Variants in CPAMD8 observed in about 807,000 individuals in gnomAD.
CPAMD8 encodes the protein C3 and PZP like alpha-2-macroglobulin domain containing 8, also known as C3 and PZP-like alpha-2-macroglobulin domain-containing protein 8.
Under a neutral mutation model 224.7 loss-of-function variants are expected in CPAMD8, and 146 were observed. The observed-to-expected ratio is 0.65, with a 90% CI of 0.57 to 0.75. The LOEUF (loss-of-function observed/expected upper bound fraction) is 0.75, where lower values mean the gene tolerates loss of function less well. Among genes scored for constraint, CPAMD8 ranks in the 30% least tolerant of loss-of-function variants. CPAMD8 has a pLI of 0.00. For synonymous variants in CPAMD8, 966 were observed against 1,044.6 expected (o/e 0.92, Z 1.45); for missense variants, 2,301 against 2,537.5 (o/e 0.91, Z 2.00).
At chr19:16,964,739 AAG>A (rs2054770660) in intron 18 of CPAMD8, among the ~76,000 whole-genome samples, 1 of 152,208 alleles carries the variant, frequency 6.6e-6, no homozygotes, top group Non-Finnish European at 1.5e-5. Flanking sequence ...CAACAAAAAA[AAG>A]AGAATTTTAG....
intron 30 of CPAMD8, among the ~76,000 whole-genome samples, chr19:16,906,346 C>CT (rs1285679900): frequency 1.2e-4 from 3 of 25,274 alleles, no homozygotes; most frequent in East Asian, 1.4e-3. Context: ...CCCTTTCTTT[C>CT]TTTCTTTCTT....
At chr19:17,021,690 A>T (rs900789263) in intron 2 of CPAMD8, among the ~76,000 whole-genome samples, 1 of 152,090 alleles carries the variant, frequency 6.6e-6, no homozygotes, top group Non-Finnish European at 1.5e-5. Flanking sequence ...AACCCAACAA[A>T]AGGTCAGAGG....
At chr19:16,946,683 T>C (rs1423342146) in intron 21 of CPAMD8, among the ~76,000 whole-genome samples, 1 of 147,116 alleles carries the variant, frequency 6.8e-6, no homozygotes, top group Non-Finnish European at 1.5e-5. Flanking sequence ...TATGCATGTC[T>C]ACACGTGGGT....
Position 16,901,191 on chromosome 19 carries a change from C to T in CPAMD8, c.4773+19G>A. The stretch of plus-strand genomic sequence containing the variant: ...GTTCAGAGATCCCTGCCCACCGCTG[C>T]TCACCGGCGCTGCCTCACCTGCTCC... On this transcript the variant is annotated intron_variant, in intron 36 of 41. Transcript: ENST00000443236. 1 of 1,582,016 alleles carries T rather than the reference C, an allele frequency of 6.3e-7. No individual in the cohort carries two copies. The highest frequency in any genetic ancestry group is 8.6e-7 in the Non-Finnish European group (1 of 1,161,830).
chr19:16,957,481 T>G (rs2054509805), intron 19 of CPAMD8: 1 of 184,796 alleles, frequency 5.4e-6, no homozygotes, highest in Non-Finnish European at 1.1e-5. Flanking sequence ...AGGCATCCTG[T>G]TTTTTGAGCA....
chr19:17,005,789 T>C (rs2056474708), intron 7 of CPAMD8, among the ~76,000 whole-genome samples: 1 of 151,976 alleles, frequency 6.6e-6, no homozygotes, highest in African/African-American at 2.4e-5. Flanking sequence ...CTAAAATGGC[T>C]TTTTCCCCCT....
At chr19:16,945,463 C>G in intron 22 of CPAMD8, 86 bp downstream of exon 22, 1 of 1,544,382 alleles carries the variant, frequency 6.5e-7, no homozygotes, top group Non-Finnish European at 8.8e-7. Context: ...GGCTCAGCCT[C>G]AGACCACACA....
chr19:16,939,187 T>A (rs188993061), intron 22 of CPAMD8, among the ~76,000 whole-genome samples: 33 of 84,634 alleles, frequency 3.9e-4, no homozygotes, highest in Non-Finnish European at 7.6e-4. Context: ...ATTTATTTAT[T>A]TATCTATCTA....
At chr19:16,967,940 T>TATATAC (rs2054916142) in intron 18 of CPAMD8, among the ~76,000 whole-genome samples, 4 of 148,992 alleles carry the variant, frequency 2.7e-5, no homozygotes, top group South Asian at 2.1e-4. Flanking sequence ...TGTATATATA[T>TATATAC]ACATGTTGCT....
intron 19 of CPAMD8, among the ~76,000 whole-genome samples, chr19:16,957,136 G>A (rs758988337): frequency 1.3e-5 from 2 of 152,150 alleles, no homozygotes; most frequent in Admixed American, 6.5e-5. Flanking sequence ...ACCTTCCCAC[G>A]ATGAGGACAT....
At chr19:16,942,962 C>T (rs189054694) in intron 22 of CPAMD8, among the ~76,000 whole-genome samples, 7 of 152,000 alleles carry the variant, frequency 4.6e-5, no homozygotes, top group Non-Finnish European at 1.0e-4. Context: ...TAAATTGAAT[C>T]ATACACCATG....
intron 3 of CPAMD8, among the ~76,000 whole-genome samples, chr19:17,016,641 T>A (rs943732668): frequency 3.3e-5 from 5 of 152,034 alleles, no homozygotes; most frequent in African/African-American, 1.2e-4. Context: ...GCGTCTGCAG[T>A]CCCAGCTACT....
At chr19:17,009,392 T>C (rs1568597014) in intron 5 of CPAMD8, 72 bp from the exon 6 acceptor site, 5 of 1,611,932 alleles carry the variant, frequency 3.1e-6, no homozygotes, top group Non-Finnish European at 4.2e-6. Context: ...TGCTCATGCA[T>C]GGCCTCGGTC....
chr19:17,011,714 C>T lies in CPAMD8; in HGVS notation c.311G>A (p.Gly104Asp). 3 of 1,614,038 alleles carry T rather than the reference C, an allele frequency of 1.9e-6. No homozygotes were observed. The highest frequency in any genetic ancestry group is 2.5e-6 in the Non-Finnish European group (3 of 1,180,026). ...CCCCTCCTCCGCCTGCCAGCCGCGG[C>T]CCCACACTTTCAGAAGCGCTTGGCC... ...LRGQALLKVW[G>D]RGWQAEEGPL... The change falls in exon 4 of 42, where the codon GGC becomes GAC. Residue 104 changes from glycine (G) to aspartate (D), a missense_variant. Gly to Asp is a moderately conservative substitution (Grantham distance 94). Around this residue, in one of 4 missense-constraint regions of CPAMD8, gnomAD observed 283 missense variants for 340.6 expected, o/e 0.83. Transcript: ENST00000443236.
In CPAMD8 at chr19:16,917,000, T is replaced by C. The variant is rs369095241; in HGVS notation, c.3630-2187A>G. On this transcript the variant is annotated intron_variant, in intron 27 of 41. Transcript: ENST00000443236. ...CAAGGACAGAACCAAGCCAGCTGTGTGCTGGGAATTGTGGAATTCCCATGG... is the reference window on the plus strand; with the variant it reads ...CAAGGACAGAACCAAGCCAGCTGTGCGCTGGGAATTGTGGAATTCCCATGG... Among the ~76,000 whole-genome samples the C allele has an allele frequency of 9.2e-5, 14 of 152,318 alleles. No individual in the cohort carries two copies. The East Asian group carries it at 1.9e-3, about 21-fold the overall frequency.
chr19:17,004,548 T>A (rs1277464414), intron 7 of CPAMD8, among the ~76,000 whole-genome samples, 162 bp from the exon 8 acceptor site: 1 of 151,128 alleles, frequency 6.6e-6, no homozygotes, highest in Non-Finnish European at 1.5e-5. Context: ...AGCAGCACCC[T>A]GTAGGATCAG....
Position 16,973,851 on chromosome 19 carries a change from G to C in CPAMD8, c.2070+1246C>G, listed in dbSNP as rs1443510723. 6.5e-5 allele frequency among the ~76,000 whole-genome samples: 8 copies of C among 122,768 alleles called. 1 individual carries two copies. The Admixed American group carries it at 7.1e-4, about 11-fold the overall frequency. 80.5% of individuals were successfully genotyped at this position (122,768 alleles called of 152,430 possible). On this transcript the variant is annotated intron_variant, in intron 17 of 41. Transcript: ENST00000443236. Reference sequence around the variant, plus strand: ...CCTTTTTTTTTTTTTTTTTTTTTGAGACGGAGTCTGGCTCTGTCACCAGGC... The same window carrying C: ...CCTTTTTTTTTTTTTTTTTTTTTGACACGGAGTCTGGCTCTGTCACCAGGC...
intron 12 of CPAMD8, 60 bp downstream of exon 12, chr19:16,993,356 G>C (rs1307874000): frequency 1.4e-6 from 2 of 1,476,960 alleles, no homozygotes; most frequent in Non-Finnish European, 1.9e-6. Flanking sequence ...ACCCAGCCTG[G>C]GGGAGGCCCC....
At chr19:16,987,174 AAAAAAATATATATATATATAT>A (rs2055761591) in intron 13 of CPAMD8, among the ~76,000 whole-genome samples, 1 of 96,830 alleles carries the variant, frequency 1.0e-5, no homozygotes, top group African/African-American at 4.8e-5. Context: ...AAAAAAAAAA[AAAAAAATATATATATATATAT>A]ATATATATAT....
Sources: allele counts gnomAD v4.1 joint callset (sites outside exome capture counted in the v4.1 genomes callset), GRCh38; gene constraint gnomAD v4.1.1; regional missense constraint gnomAD v4.1.1; transcripts MANE v1.5; gene names NCBI Gene and HGNC (gene_info 2026-07-23, HGNC 2026-07-21).